GRID2: variants seen among roughly 807,000 people sequenced by gnomAD.
GRID2 encodes the protein glutamate receptor ionotropic, delta-2.
In GRID2, 33 loss-of-function variants were observed where a neutral mutation model predicts 114.8. The ratio of observed to expected loss-of-function variants is 0.29; its 90% CI spans 0.22 to 0.38. GRID2 has a LOEUF of 0.38. GRID2 is among the 10% of genes least tolerant of loss of function. The probability of loss-of-function intolerance (pLI) is 1.00; values close to 1 mark genes in which losing one functional copy is unlikely to be tolerated. For synonymous variants in GRID2, 505 were observed against 449.9 expected, an observed-to-expected ratio of 1.12 and a Z score of -1.55; for missense variants, 1,184 against 1,257.7, an observed-to-expected ratio of 0.94 and a Z score of 0.89.
At chr4:93,144,452 C>T (rs925504172) in intron 4 of GRID2, among the ~76,000 whole-genome samples, 4 of 152,154 alleles carry the variant, frequency 2.6e-5, no homozygotes, top group African/African-American at 9.7e-5. Context: ...CTGTGCTTAA[C>T]AAAGAATAGA....
intron 3 of GRID2, among the ~76,000 whole-genome samples, chr4:93,092,847 C>T (rs1414223101): frequency 6.6e-6 from 1 of 151,840 alleles, no homozygotes; most frequent in Non-Finnish European, 1.5e-5. Flanking sequence ...TATACATACA[C>T]ACACAAACAC....
chr4:92,716,590 A>G lies in GRID2; in HGVS notation c.244+126304A>G, dbSNP rs143640793. On this transcript the variant is annotated intron_variant, in intron 2 of 15. Coordinates refer to ENST00000282020, the MANE Select transcript of GRID2 (RefSeq NM_001510.4). ...ATTTTGATGGTCTTTTATTACTACA[A>G]TCTAATATAAATGAAGGCTTGTTCA... Among the ~76,000 whole-genome samples the G allele has an allele frequency of 6.0e-3, 918 of 152,260 alleles. 14 individuals are homozygous for G. The highest frequency in any genetic ancestry group is 0.021 in the African/African-American group (864 of 41,544).
intron 1 of GRID2, among the ~76,000 whole-genome samples, chr4:93,790,829 C>T (rs1734680328): frequency 6.6e-6 from 1 of 152,042 alleles, no homozygotes; most frequent in Non-Finnish European, 1.5e-5. Flanking sequence ...GCTGTGCTAC[C>T]CTAGGCAAGT....
chr4:93,413,108 A>G (rs1767366901), intron 9 of GRID2, among the ~76,000 whole-genome samples: 1 of 152,164 alleles, frequency 6.6e-6, no homozygotes, highest in Non-Finnish European at 1.5e-5. Flanking sequence ...ATGGGTAAAT[A>G]CCCAGTAATG....
intron 1 of GRID2, among the ~76,000 whole-genome samples, chr4:92,451,611 G>T (rs1720929612): frequency 6.6e-6 from 1 of 152,010 alleles, no homozygotes; most frequent in Admixed American, 6.6e-5. Context: ...AGAAGTAGAA[G>T]CAAATCCTTT....
chr4:92,975,927 TGTATATACACAGA>T lies in GRID2; in HGVS notation c.245-109067_245-109055del, dbSNP rs536225947. 1.7e-3 allele frequency among the ~76,000 whole-genome samples: 263 copies of T among 152,284 alleles called. 1 individual carries two copies. Among genetic ancestry groups the T allele is most frequent in the African/African-American group, 6.2e-3 (258 of 41,578 alleles). On this transcript the variant is annotated intron_variant, in intron 2 of 15. Coordinates refer to ENST00000282020, the MANE Select transcript of GRID2 (RefSeq NM_001510.4). The stretch of plus-strand genomic sequence containing the variant: ...AGAAGCAAATTTACATGACTATATG[TGTATATACACAGA>T]CACATATACATATATGATATTTGTG...
intron 14 of GRID2, among the ~76,000 whole-genome samples, chr4:93,669,296 T>C (rs1232400418): frequency 1.3e-5 from 2 of 152,216 alleles, no homozygotes; most frequent in Admixed American, 6.5e-5. Context: ...ATAGAAAATA[T>C]GTCCTTAGGC....
intron 1 of GRID2, among the ~76,000 whole-genome samples, chr4:92,319,095 T>A (rs1726168953): frequency 6.6e-6 from 1 of 152,218 alleles, no homozygotes; most frequent in Non-Finnish European, 1.5e-5. Context: ...ACACTACAAT[T>A]ATTACCTTCT....
At chr4:93,804,031 C>T (rs1286644943) in intron 1 of GRID2, among the ~76,000 whole-genome samples, 1 of 152,156 alleles carries the variant, frequency 6.6e-6, no homozygotes, top group African/African-American at 2.4e-5. Context: ...ATTCATGTGA[C>T]CCTCAGAATC....
At chr4:92,362,676 T>A (rs901873011) in intron 1 of GRID2, among the ~76,000 whole-genome samples, 3 of 151,994 alleles carry the variant, frequency 2.0e-5, no homozygotes, top group South Asian at 2.1e-4. Context: ...AGTTGAAATA[T>A]TTTCAGAAGT....
intron 2 of GRID2, among the ~76,000 whole-genome samples, chr4:92,904,746 C>T (rs932411478): frequency 2.6e-5 from 4 of 151,838 alleles, no homozygotes; most frequent in Non-Finnish European, 5.9e-5. Flanking sequence ...CTCAGGGGAG[C>T]AATGACAATG....
At chr4:93,538,092 T>C (rs1161859947) in intron 13 of GRID2, among the ~76,000 whole-genome samples, 1 of 151,854 alleles carries the variant, frequency 6.6e-6, no homozygotes, top group African/African-American at 2.4e-5. Flanking sequence ...AAAAATTGTA[T>C]ACTCAAATCC....
chr4:92,482,456 A>T (rs976474726), intron 1 of GRID2, among the ~76,000 whole-genome samples: 2 of 152,110 alleles, frequency 1.3e-5, no homozygotes, highest in Admixed American at 1.3e-4. Context: ...AAGTTAAATT[A>T]AAAAATATAA....
chr4:92,473,509 A>G (rs1047549284), intron 1 of GRID2, among the ~76,000 whole-genome samples: 1 of 152,090 alleles, frequency 6.6e-6, no homozygotes, highest in Non-Finnish European at 1.5e-5. Flanking sequence ...CTTAACAGGA[A>G]AGTATTCAAT....
At chr4:92,670,880 C>T (rs1733026484) in intron 2 of GRID2, among the ~76,000 whole-genome samples, 1 of 152,032 alleles carries the variant, frequency 6.6e-6, no homozygotes, top group Admixed American at 6.6e-5. Context: ...AAAATCTGTC[C>T]TGTCAATTAC....
intron 4 of GRID2, among the ~76,000 whole-genome samples, chr4:93,136,449 A>G (rs923989174): frequency 3.3e-5 from 5 of 152,138 alleles, no homozygotes; most frequent in African/African-American, 1.2e-4. Context: ...AGGCAGCTGG[A>G]TGACATGACA....
chr4:93,058,855 G>A (rs571798336), intron 2 of GRID2, among the ~76,000 whole-genome samples: 1 of 151,824 alleles, frequency 6.6e-6, no homozygotes, highest in Non-Finnish European at 1.5e-5. Flanking sequence ...TAAATTTAAT[G>A]CAATTTCAGT....
chr4:92,976,202 T>C (rs1753861219), intron 2 of GRID2, among the ~76,000 whole-genome samples: 1 of 152,090 alleles, frequency 6.6e-6, no homozygotes, highest in African/African-American at 2.4e-5. Context: ...AAATAAAAAT[T>C]AACTGATAGC....
chr4:92,618,312 T>C (rs1378171850), intron 2 of GRID2, among the ~76,000 whole-genome samples: 1 of 151,790 alleles, frequency 6.6e-6, no homozygotes. Flanking sequence ...AAAAATCAGT[T>C]GGCTGTAGAT....
Sources: gnomAD v4.1 joint callset for allele counts (sites outside exome capture counted in the v4.1 genomes callset) on GRCh38, gnomAD v4.1.1 for gene constraint, MANE v1.5 for transcripts, NCBI Gene and HGNC (gene_info 2026-07-23, HGNC 2026-07-21) for gene names.